The following FOXP1 variants were observed in gnomAD, a reference collection of about 807,000 sequenced individuals.
FOXP1 encodes forkhead box P1, also known as forkhead box protein P1.
Under a neutral mutation model 98.2 loss-of-function variants are expected in FOXP1, and 15 were observed. The ratio of observed to expected loss-of-function variants is 0.15; its 90% CI spans 0.10 to 0.24. FOXP1 has a LOEUF of 0.24. FOXP1 is among the 10% of genes least tolerant of loss of function. The pLI is 1.00. For synonymous variants in FOXP1, 371 were observed against 314.5 expected, an observed-to-expected ratio of 1.18 and a Z score of -1.90; for missense variants, 633 against 848.5, an observed-to-expected ratio of 0.75 and a Z score of 3.15.
intron 2 of FOXP1, among the ~76,000 whole-genome samples, chr3:71,559,616 G>A (rs1479736572): frequency 6.6e-6 from 1 of 152,168 alleles, no homozygotes; most frequent in Non-Finnish European, 1.5e-5. Context: ...GGCTGAAGCA[G>A]GGACAGATCA....
At chr3:71,255,224 G>A (rs1303475169) in intron 5 of FOXP1, among the ~76,000 whole-genome samples, 1 of 152,106 alleles carries the variant, frequency 6.6e-6, no homozygotes, top group African/African-American at 2.4e-5. Context: ...TACCTTGACT[G>A]CAATTATCTT....
At chr3:71,347,617 G>A (rs1025074201) in intron 4 of FOXP1, among the ~76,000 whole-genome samples, 3 of 152,164 alleles carry the variant, frequency 2.0e-5, no homozygotes, top group Non-Finnish European at 4.4e-5. Flanking sequence ...TGGGGGAGGT[G>A]GTTCATGCCT....
intron 7 of FOXP1, among the ~76,000 whole-genome samples, chr3:71,055,249 T>C (rs896335381): frequency 2.6e-5 from 4 of 152,344 alleles, no homozygotes; most frequent in African/African-American, 7.2e-5. Flanking sequence ...GTCAGATTCA[T>C]GCACAGCGAA....
intron 3 of FOXP1, among the ~76,000 whole-genome samples, chr3:71,397,088 A>G (rs56253562): frequency 0.14 from 891 of 6,320 alleles, 118 homozygotes; most frequent in Non-Finnish European, 0.16. Context: ...ATATATGTGT[A>G]TATATATATA....
At chr3:71,211,126 C>T (rs1449052185) in intron 5 of FOXP1, among the ~76,000 whole-genome samples, 1 of 152,118 alleles carries the variant, frequency 6.6e-6, no homozygotes, top group Admixed American at 6.5e-5. Context: ...TTCCTTATCA[C>T]GAGCAGGATA....
At chr3:71,256,392 T>C (rs1363594914) in intron 5 of FOXP1, among the ~76,000 whole-genome samples, 1 of 152,156 alleles carries the variant, frequency 6.6e-6, no homozygotes, top group Non-Finnish European at 1.5e-5. Flanking sequence ...TGTTTTCTTT[T>C]CTTTTTTTTG....
chr3:71,132,449 C>A (rs907763757), intron 6 of FOXP1, among the ~76,000 whole-genome samples: 2 of 152,076 alleles, frequency 1.3e-5, no homozygotes, highest in Admixed American at 1.3e-4. Context: ...AAAAATAAAG[C>A]CTCTTATTTT....
chr3:71,181,865 TA>T (rs1464158320), intron 6 of FOXP1, among the ~76,000 whole-genome samples: 3 of 151,740 alleles, frequency 2.0e-5, no homozygotes, highest in African/African-American at 7.3e-5. Flanking sequence ...ACCCTATCTC[TA>T]CTAAAAAAAT....
chr3:70,998,550 G>A (rs765638500), intron 13 of FOXP1, among the ~76,000 whole-genome samples: 30 of 152,014 alleles, frequency 2.0e-4, no homozygotes, highest in Non-Finnish European at 3.4e-4. Context: ...CTTCCATTAC[G>A]GCAAACTCCC....
chr3:71,334,781 C>CA (rs1156565853), intron 4 of FOXP1: 3 of 152,120 alleles, frequency 2.0e-5, no homozygotes, highest in African/African-American at 7.2e-5. Context: ...GAGCCTTTTC[C>CA]AAAAAATCTA....
At chr3:71,583,484 GGTT>G (rs1461491889) in intron 1 of FOXP1, 84 bp downstream of exon 1, 169 of 958,136 alleles carry the variant, frequency 1.8e-4, no homozygotes, top group Admixed American at 1.7e-3. Context: ...TTTTTGTGCT[GGTT>G]GTTGTTGTTG....
chr3:71,271,484 G>T (rs1464110051), intron 5 of FOXP1, among the ~76,000 whole-genome samples: 1 of 152,094 alleles, frequency 6.6e-6, no homozygotes, highest in African/African-American at 2.4e-5. Flanking sequence ...CCAGATTTCA[G>T]GAAAAAAGCA....
intron 14 of FOXP1, among the ~76,000 whole-genome samples, chr3:70,985,924 C>A (rs540117832): frequency 3.3e-5 from 5 of 152,196 alleles, no homozygotes; most frequent in African/African-American, 1.2e-4. Context: ...AGAAAACCTG[C>A]TGTGTATGAA....
intron 3 of FOXP1, among the ~76,000 whole-genome samples, chr3:71,448,956 T>C (rs1210157454): frequency 6.6e-6 from 1 of 152,216 alleles, no homozygotes; most frequent in African/African-American, 2.4e-5. Context: ...TTAGCTAATG[T>C]CAAACCCTAG....
intron 3 of FOXP1, among the ~76,000 whole-genome samples, chr3:71,450,635 T>G (rs1005657855): frequency 2.6e-5 from 4 of 152,244 alleles, no homozygotes; most frequent in African/African-American, 9.6e-5. Flanking sequence ...AAGCCTATGT[T>G]AATTTCGAAC....
At chr3:71,117,089 C>CTTTTT (rs11380918) in intron 6 of FOXP1, among the ~76,000 whole-genome samples, 1 of 148,474 alleles carries the variant, frequency 6.7e-6, no homozygotes, top group African/African-American at 2.5e-5. Context: ...AGAGATAAAT[C>CTTTTT]TTTTTTTTTT....
At chr3:71,284,938 CATA>C in intron 5 of FOXP1, among the ~76,000 whole-genome samples, 1 of 152,022 alleles carries the variant, frequency 6.6e-6, no homozygotes, top group African/African-American at 2.4e-5. Flanking sequence ...GCAAATTCCC[CATA>C]ATGAGATGGT....
rs71120316 is a variant in FOXP1 at position 71,345,871 on chromosome 3, T to TAAA, written c.-73+13276_-73+13278dup. Among the ~76,000 whole-genome samples, 29 of 55,092 alleles carry TAAA rather than the reference T, an allele frequency of 5.3e-4. 1 individual carries two copies. The highest frequency in any genetic ancestry group is 1.9e-3 in the South Asian group (2 of 1,058). 36.1% of individuals were successfully genotyped at this position (55,092 alleles called of 152,430 possible). On this transcript the variant is annotated intron_variant, in intron 4 of 20. Coordinates refer to ENST00000649528, the MANE Select transcript of FOXP1 (RefSeq NM_001349338.3). ...AGGTTTGAAATCAATAAAGTTTTTGTAAAAAAAAAAAAAAAAAAAAAAAAA... is the reference window on the plus strand; with the variant it reads ...AGGTTTGAAATCAATAAAGTTTTTGTAAAAAAAAAAAAAAAAAAAAAAAAAAAA...
At chr3:71,356,294 C>T (rs1043631034) in intron 4 of FOXP1, among the ~76,000 whole-genome samples, 1 of 151,684 alleles carries the variant, frequency 6.6e-6, no homozygotes, top group Non-Finnish European at 1.5e-5. Context: ...ATCCAGAGAC[C>T]TAAGCTCTGC....
Sources: gnomAD v4.1 joint callset for allele counts (sites outside exome capture counted in the v4.1 genomes callset) on GRCh38, gnomAD v4.1.1 for gene constraint, MANE v1.5 for transcripts, NCBI Gene and HGNC (gene_info 2026-07-23, HGNC 2026-07-21) for gene names.